Variants in CRTC3 observed in about 807,000 individuals in gnomAD.
The protein encoded by CRTC3 is CREB-regulated transcription coactivator 3.
Under a neutral mutation model 74.5 loss-of-function variants are expected in CRTC3, and 26 were observed. The ratio of observed to expected loss-of-function variants is 0.35; its 90% CI spans 0.26 to 0.48. CRTC3 has a LOEUF of 0.48. Among genes scored for constraint, CRTC3 ranks in the 20% least tolerant of loss-of-function variants. The pLI, the probability that CRTC3 is intolerant of heterozygous loss-of-function variation, is 0.99. For synonymous variants in CRTC3, 377 were observed against 325.8 expected (o/e 1.16, Z -1.69); for missense variants, 760 against 787.3 (o/e 0.97, Z 0.41).
At chr15:90,588,406 T>C (rs1327669679) in intron 2 of CRTC3, among the ~76,000 whole-genome samples, 1 of 150,644 alleles carries the variant, frequency 6.6e-6, no homozygotes, top group Non-Finnish European at 1.5e-5. Context: ...ATATTACTTG[T>C]CCGTGGTGCT....
chr15:90,532,658 G>C (rs1483044140), intron 1 of CRTC3, among the ~76,000 whole-genome samples: 2 of 152,158 alleles, frequency 1.3e-5, no homozygotes, highest in Non-Finnish European at 2.9e-5. Flanking sequence ...TCACCTAGTG[G>C]GTAGGATAGA....
intron 2 of CRTC3, among the ~76,000 whole-genome samples, chr15:90,572,060 G>C (rs1397873743): frequency 1.3e-5 from 2 of 151,836 alleles, no homozygotes; most frequent in African/African-American, 4.8e-5. Flanking sequence ...TACTTGGGAG[G>C]CTGAGGCAGG....
In CRTC3 at chr15:90,530,054, CCG is replaced by C. The variant is rs1299445881; in HGVS notation, c.-14_-13del. On this transcript the variant is annotated 5_prime_UTR_variant, in exon 1 of 15. Coordinates refer to ENST00000268184, the MANE Select transcript of CRTC3 (RefSeq NM_022769.5). This position sits in a 1 kb window ranked among gnomAD's most constrained non-coding sequence, Gnocchi z 6.2. ...CACGGCCGCCGTCTCCCGCTTCTGC[CCG>C]CGCAGAGTCCGCGCCATGGCCGCCT... 4 of 1,411,540 alleles carry C rather than the reference CCG, an allele frequency of 2.8e-6. No individual in the cohort carries two copies. In the African/African-American group the frequency reaches 6.1e-5, roughly 21 times the overall value. The allele number at this position is 1,411,540 out of a possible 1,614,324, so 87.4% of individuals were successfully genotyped here.
intron 1 of CRTC3, among the ~76,000 whole-genome samples, chr15:90,539,285 G>C (rs1015326339): frequency 7.2e-5 from 11 of 152,144 alleles, no homozygotes; most frequent in African/African-American, 2.7e-4. Context: ...AAGTAAGGAA[G>C]AACTTACAAA....
chr15:90,635,653 C>G (rs1204393490), intron 11 of CRTC3, among the ~76,000 whole-genome samples: 2 of 151,418 alleles, frequency 1.3e-5, no homozygotes, highest in Non-Finnish European at 2.9e-5. Flanking sequence ...TCCAGAAAAA[C>G]TCTGTCTCCA....
chr15:90,587,431 C>G (rs1298467854), intron 2 of CRTC3, among the ~76,000 whole-genome samples: 1 of 152,228 alleles, frequency 6.6e-6, no homozygotes, highest in Non-Finnish European at 1.5e-5. Context: ...CTATCTAGCA[C>G]TGGATCCCAG....
intron 11 of CRTC3, chr15:90,638,000 A>G (rs1246314569): frequency 1.3e-5 from 2 of 155,906 alleles, no homozygotes; most frequent in Non-Finnish European, 2.8e-5. Context: ...GTTTGTTATC[A>G]TTTAGTGTTC....
chr15:90,586,344 T>A (rs1346641759), intron 2 of CRTC3, among the ~76,000 whole-genome samples: 1 of 150,750 alleles, frequency 6.6e-6, no homozygotes, highest in African/African-American at 2.4e-5. Context: ...ATATATTTTT[T>A]AAAACTTGGT....
At chr15:90,568,560 A>G (rs1261363922) in intron 2 of CRTC3, among the ~76,000 whole-genome samples, 1 of 151,790 alleles carries the variant, frequency 6.6e-6, no homozygotes, top group Non-Finnish European at 1.5e-5. Context: ...CATATTGGCC[A>G]GGCTGGTCTT....
At chr15:90,641,474 G>T (rs1969440096) in intron 14 of CRTC3, among the ~76,000 whole-genome samples, 1 of 152,080 alleles carries the variant, frequency 6.6e-6, no homozygotes, top group African/African-American at 2.4e-5. Context: ...GAGGTGGGCG[G>T]ATCATCAGGT....
At chr15:90,596,988 C>T (rs1206967979) in intron 3 of CRTC3, among the ~76,000 whole-genome samples, 1 of 152,226 alleles carries the variant, frequency 6.6e-6, no homozygotes, top group Non-Finnish European at 1.5e-5. Context: ...AATACTCTGG[C>T]CTCCTCTCAG....
intron 2 of CRTC3, among the ~76,000 whole-genome samples, chr15:90,565,816 C>G (rs747228300): frequency 2.0e-5 from 3 of 152,224 alleles, no homozygotes; most frequent in Non-Finnish European, 2.9e-5. Flanking sequence ...CTTCTGACTG[C>G]TCCATTGATC....
rs13380000 is a variant in CRTC3, at chr15:90,564,321, A to G, written c.231+24184A>G. 8.3e-3 allele frequency among the ~76,000 whole-genome samples: 1,260 copies of G among 152,250 alleles called. 20 individuals carry two copies. Among genetic ancestry groups the G allele is most frequent in the African/African-American group, 0.029 (1,208 of 41,528 alleles). On this transcript the variant is annotated intron_variant, in intron 2 of 14. Transcript: ENST00000268184. ...AGAGTATTTCTTGAAGAAAAAAGAA[A>G]CCATTTCCTGATTTCTTTATTTGTT...
intron 2 of CRTC3, among the ~76,000 whole-genome samples, chr15:90,562,610 G>C (rs1339242372): frequency 2.6e-5 from 4 of 152,086 alleles, no homozygotes; most frequent in African/African-American, 9.7e-5. Flanking sequence ...TCTCGTCTTA[G>C]AATATATTCT....
rs368814828 is a variant in CRTC3 at position 90,614,540 on chromosome 15, C to T, written c.613+52C>T. On this transcript the variant is annotated intron_variant, in intron 7 of 14. Coordinates refer to ENST00000268184, the MANE Select transcript of CRTC3 (RefSeq NM_022769.5). ...TTGGAGTGGGATGCTGATTAGTGGA[C>T]ATAACCTTTCAATACCTTTACTAAT... 72 of 1,211,554 alleles carry T rather than the reference C, an allele frequency of 5.9e-5. 1 individual carries two copies. The highest frequency in any genetic ancestry group is 8.0e-5 in the Non-Finnish European group (66 of 821,332). The allele number at this position is 1,211,554 out of a possible 1,614,324, so 75.1% of individuals were successfully genotyped here. A position where few individuals can be genotyped will look rare whatever the true frequency, so the allele number is the denominator to read the frequency against.
At chr15:90,585,525 T>G (rs1360237837) in intron 2 of CRTC3, among the ~76,000 whole-genome samples, 1 of 152,172 alleles carries the variant, frequency 6.6e-6, no homozygotes, top group Non-Finnish European at 1.5e-5. Flanking sequence ...AAGAATTGAT[T>G]TTATGTAGGC....
At chr15:90,637,524 GCACA>G (rs1969284161) in intron 11 of CRTC3, among the ~76,000 whole-genome samples, 1 of 152,076 alleles carries the variant, frequency 6.6e-6, no homozygotes. Flanking sequence ...TGCATGTTGT[GCACA>G]TGTACCCTAG....
chr15:90,634,225 G>A (rs1018610591), intron 11 of CRTC3, among the ~76,000 whole-genome samples: 4 of 151,666 alleles, frequency 2.6e-5, no homozygotes, highest in African/African-American at 9.7e-5. Context: ...CATTCTCCTG[G>A]CCTCAGCCTC....
In CRTC3 at chr15:90,642,396, GA is replaced by G. The variant is rs1399947034; in HGVS notation, c.*259del. On this transcript the variant is annotated 3_prime_UTR_variant, in exon 15 of 15. Transcript: ENST00000268184. ...GCTGCTTGGAGCTTCCCATGAACTG[GA>G]AAGCTCACCTCCACTGCATCTTTTT... 16 of 531,262 alleles carry G rather than the reference GA, an allele frequency of 3.0e-5. No homozygotes were observed. Among genetic ancestry groups the G allele is most frequent in the Non-Finnish European group, 4.8e-5 (14 of 293,898 alleles). The allele number at this position is 531,262 out of a possible 1,614,324, so 32.9% of individuals were successfully genotyped here.
Sources: gnomAD v4.1 joint callset for allele counts (sites outside exome capture counted in the v4.1 genomes callset) on GRCh38, gnomAD v4.1.1 for gene constraint, Gnocchi (gnomAD v3.1) non-coding constraint, MANE v1.5 for transcripts, NCBI Gene and HGNC (gene_info 2026-07-23, HGNC 2026-07-21) for gene names.